Variants in SHROOM3 observed in about 807,000 individuals in gnomAD.
SHROOM3 encodes shroom family member 3, also known as protein Shroom3.
SHROOM3 carries 47 observed loss-of-function variants against 138.6 expected under a neutral mutation model. That is an observed-to-expected ratio of 0.34 (90% CI 0.27 to 0.43). The LOEUF is 0.43. SHROOM3 is among the 20% of genes least tolerant of loss of function. The pLI, the probability that SHROOM3 is intolerant of heterozygous loss-of-function variation, is 1.00. For synonymous variants in SHROOM3, 1,062 were observed against 1,063.3 expected (o/e 1.00, Z 0.02); for missense variants, 2,491 against 2,596.5 (o/e 0.96, Z 0.88).
chr4:76,522,428 G>T (rs1732586081), intron 1 of SHROOM3, among the ~76,000 whole-genome samples: 1 of 151,838 alleles, frequency 6.6e-6, no homozygotes, highest in African/African-American at 2.4e-5. Flanking sequence ...ACTTTTAAAT[G>T]GTTCTGTTGG....
chr4:76,435,971 GACA>G lies in SHROOM3; in HGVS notation c.-79_-77del, dbSNP rs1205685034. On this transcript the variant is annotated 5_prime_UTR_variant, in exon 1 of 11. Transcript: ENST00000296043. ...GGCCATTGTGTGTCCTGAAGGATGG[GACA>G]ACTTGTGCTGTAGAAGCACTGCTTG... The G allele has an allele frequency of 1.3e-5, 20 of 1,491,028 alleles. No homozygotes were observed. Among genetic ancestry groups the G allele is most frequent in the Non-Finnish European group, 1.6e-5 (17 of 1,081,712 alleles). 92.4% of individuals were successfully genotyped at this position (1,491,028 alleles called of 1,614,324 possible).
intron 4 of SHROOM3, among the ~76,000 whole-genome samples, chr4:76,732,209 G>T (rs1289192802): frequency 6.6e-6 from 1 of 152,186 alleles, no homozygotes; most frequent in African/African-American, 2.4e-5. Flanking sequence ...GAAAATAAGG[G>T]TCACTTAGTC....
chr4:76,620,070 C>CAAAAA (rs68039696), intron 2 of SHROOM3, among the ~76,000 whole-genome samples: 9 of 61,030 alleles, frequency 1.5e-4, no homozygotes, highest in African/African-American at 2.4e-4. Context: ...GAATCTATCT[C>CAAAAA]AAAAAAAAAA....
At chr4:76,774,815 T>G (rs1401912923) in intron 10 of SHROOM3, among the ~76,000 whole-genome samples, 1 of 151,810 alleles carries the variant, frequency 6.6e-6, no homozygotes, top group Non-Finnish European at 1.5e-5. Flanking sequence ...GGCATTATTA[T>G]GTAAGATGTG....
At chr4:76,775,895 T>C (rs1248883084) in intron 10 of SHROOM3, among the ~76,000 whole-genome samples, 1 of 151,858 alleles carries the variant, frequency 6.6e-6, no homozygotes, top group African/African-American at 2.4e-5. Context: ...GCATTTGGGC[T>C]GGTTCCCTTT....
Position 76,571,259 on chromosome 4 carries a change from G to C in SHROOM3, c.323+15496G>C, listed in dbSNP as rs1004952171. Among the ~76,000 whole-genome samples the C allele has an allele frequency of 9.8e-5, 15 of 152,328 alleles. No individual in the cohort carries two copies. The East Asian group carries it at 2.9e-3, about 29-fold the overall frequency. Reference sequence around the variant, plus strand: ...GTGTTAAGTGTGAATTTAAACTCCAGTCTATCTGATACAAAAGCCCAAGCT... The same window carrying C: ...GTGTTAAGTGTGAATTTAAACTCCACTCTATCTGATACAAAAGCCCAAGCT... On this transcript the variant is annotated intron_variant, in intron 2 of 10. Transcript: ENST00000296043.
intron 6 of SHROOM3, among the ~76,000 whole-genome samples, chr4:76,752,875 A>G (rs1721676651): frequency 6.6e-6 from 1 of 152,224 alleles, no homozygotes; most frequent in Non-Finnish European, 1.5e-5. Context: ...AAGATATAAT[A>G]AATAAAATAA....
chr4:76,639,775 G>A (rs1297673936), intron 2 of SHROOM3: 4 of 394,672 alleles, frequency 1.0e-5, no homozygotes, highest in Non-Finnish European at 1.8e-5. Flanking sequence ...TAAATGGGAA[G>A]TTCTTACTTG....
At chr4:76,526,221 G>T (rs1371388910) in intron 1 of SHROOM3, among the ~76,000 whole-genome samples, 1 of 152,134 alleles carries the variant, frequency 6.6e-6, no homozygotes, top group Non-Finnish European at 1.5e-5. Context: ...ACAAAAATTA[G>T]CTGGGCGTGG....
chr4:76,462,666 TTC>T (rs1560513592), intron 1 of SHROOM3, among the ~76,000 whole-genome samples: 1 of 151,520 alleles, frequency 6.6e-6, no homozygotes, highest in Admixed American at 6.6e-5. Flanking sequence ...TCCTTCTTTG[TTC>T]TCTCTCTCCC....
In SHROOM3 at chr4:76,741,361, G is replaced by A. The variant is rs780547270; in HGVS notation, c.3188G>A (p.Arg1063His). 3.1e-6 allele frequency: 5 copies of A among 1,607,578 alleles called. No individual in the cohort carries two copies. Among genetic ancestry groups the A allele is most frequent in the Non-Finnish European group, 4.2e-6 (5 of 1,177,774 alleles). ...GCCGACCGGCGCCGTCTCTTCGAGCGCGATGGCAAGGCCTGCTCCACGCTC... is the reference window on the plus strand; with the variant it reads ...GCCGACCGGCGCCGTCTCTTCGAGCACGATGGCAAGGCCTGCTCCACGCTC... ...SVADRRRLFE[R>H]DGKACSTLSL... Residue 1063 changes from arginine (R) to histidine (H), a missense_variant, in exon 5 of 11, where the codon CGC becomes CAC. Physicochemically the swap from Arg to His is conservative, Grantham distance 29. This residue lies in a region of SHROOM3 where 1,733 missense variants were observed against 1,661.6 expected (regional missense o/e 1.04). Transcript: ENST00000296043. The surrounding 1 kb of genome is among the most constrained non-coding windows in gnomAD (Gnocchi z 6.2).
chr4:76,730,401 GAAATGGA>G (rs1206183203), intron 3 of SHROOM3, among the ~76,000 whole-genome samples: 1 of 152,154 alleles, frequency 6.6e-6, no homozygotes, highest in Non-Finnish European at 1.5e-5. Context: ...AGCCCTTTGG[GAAATGGA>G]AAGGAATTGC....
intron 2 of SHROOM3, among the ~76,000 whole-genome samples, chr4:76,577,198 C>G (rs1227573289): frequency 6.6e-6 from 1 of 152,152 alleles, no homozygotes; most frequent in Non-Finnish European, 1.5e-5. Flanking sequence ...ATAATCTATA[C>G]TTGAAATTTT....
chr4:76,435,719 A>G lies in SHROOM3; in HGVS notation c.-334A>G, dbSNP rs1243813485. 20 of 228,608 alleles carry G rather than the reference A, an allele frequency of 8.7e-5. 1 individual carries two copies. In the South Asian group the frequency reaches 2.0e-3, roughly 23 times the overall value. 14.2% of individuals were successfully genotyped at this position (228,608 alleles called of 1,614,324 possible). ...ATGGTTTTAGTGTGTGTATGTGTGA[A>G]ATAAAAGCTCAGAAAAGCAATCTTC... On this transcript the variant is annotated 5_prime_UTR_variant, in exon 1 of 11. Coordinates refer to ENST00000296043, the MANE Select transcript of SHROOM3 (RefSeq NM_020859.4).
chr4:76,439,171 T>C (rs1358298296), intron 1 of SHROOM3, among the ~76,000 whole-genome samples: 2 of 152,082 alleles, frequency 1.3e-5, no homozygotes, highest in Non-Finnish European at 2.9e-5. Context: ...CTGCCCACAT[T>C]CCCTGGCTCA....
At chr4:76,546,929 T>A (rs1733232780) in intron 1 of SHROOM3, among the ~76,000 whole-genome samples, 1 of 152,222 alleles carries the variant, frequency 6.6e-6, no homozygotes, top group South Asian at 2.1e-4. Context: ...TGTGGTAGAC[T>A]TCTACCGGAT....
At chr4:76,721,980 G>A (rs1360749730) in intron 3 of SHROOM3, among the ~76,000 whole-genome samples, 1 of 152,062 alleles carries the variant, frequency 6.6e-6, no homozygotes, top group South Asian at 2.1e-4. Context: ...TGTTTAAAAT[G>A]TTTCATAAGC....
At position 76,755,022 on chromosome 4, in the gene SHROOM3, G is replaced by A. The variant is rs752778277; in HGVS notation, c.4539G>A (p.Pro1513=). Residue 1513 remains proline (P), a synonymous_variant, in exon 7 of 11, where the codon CCG becomes CCA. Coordinates refer to ENST00000296043, the MANE Select transcript of SHROOM3 (RefSeq NM_020859.4). ...DYEDEVFVRD[P]HPKATSSPTF... is the part of the protein sequence containing the mutation. The stretch of plus-strand genomic sequence containing the variant: ...AAGACGAAGTGTTTGTGAGGGATCC[G>A]CACCCCAAGGCCACGTCCAGCCCCA... 31 of 1,607,032 alleles carry A rather than the reference G, an allele frequency of 1.9e-5. No individual in the cohort carries two copies. In the South Asian group the frequency reaches 2.8e-4, roughly 14 times the overall value.
chr4:76,719,962 A>C (rs1288658880), intron 3 of SHROOM3, among the ~76,000 whole-genome samples: 1 of 152,196 alleles, frequency 6.6e-6, no homozygotes, highest in African/African-American at 2.4e-5. Context: ...TTCAGCTGTC[A>C]AAACCAAAAG....
Sources: gnomAD v4.1 joint callset for allele counts (sites outside exome capture counted in the v4.1 genomes callset) on GRCh38, gnomAD v4.1.1 for gene constraint, gnomAD v4.1.1 regional missense constraint, Gnocchi (gnomAD v3.1) non-coding constraint, MANE v1.5 for transcripts, NCBI Gene and HGNC (gene_info 2026-07-23, HGNC 2026-07-21) for gene names.